ADAM22: variants seen among roughly 807,000 people sequenced by gnomAD.
ADAM22 encodes ADAM metallopeptidase domain 22.
ADAM22 carries 65 observed loss-of-function variants against 144.6 expected under a neutral mutation model. The ratio of observed to expected loss-of-function variants is 0.45; its 90% CI spans 0.37 to 0.55. ADAM22 has a LOEUF of 0.55. ADAM22 is among the 20% of genes least tolerant of loss of function. ADAM22 has a pLI of 0.00. For synonymous variants in ADAM22, 391 were observed against 412.6 expected, an observed-to-expected ratio of 0.95 and a Z score of 0.63; for missense variants, 974 against 1,184.9, an observed-to-expected ratio of 0.82 and a Z score of 2.61.
At chr7:87,949,477 T>G (rs1427175179) in intron 2 of ADAM22, among the ~76,000 whole-genome samples, 2 of 152,218 alleles carry the variant, frequency 1.3e-5, no homozygotes, top group African/African-American at 4.8e-5. Context: ...ATTCAAGCTA[T>G]TTAACCTTTT....
intron 3 of ADAM22, among the ~76,000 whole-genome samples, chr7:88,017,906 CA>C (rs1482841294): frequency 6.6e-6 from 1 of 151,786 alleles, no homozygotes; most frequent in African/African-American, 2.4e-5. Flanking sequence ...ATTTGTTTTA[CA>C]TTTTTTTTCT....
chr7:88,011,826 G>A (rs769834668), intron 3 of ADAM22, among the ~76,000 whole-genome samples: 3 of 151,210 alleles, frequency 2.0e-5, no homozygotes, highest in Non-Finnish European at 4.4e-5. Context: ...CCTAGGTGTA[G>A]ATATTTTGGT....
intron 3 of ADAM22, among the ~76,000 whole-genome samples, chr7:88,032,888 A>T (rs1230824386): frequency 6.6e-6 from 1 of 152,008 alleles, no homozygotes; most frequent in Non-Finnish European, 1.5e-5. Context: ...AGATGTGCTT[A>T]TTTCTCTTTT....
At chr7:88,076,026 T>G (rs1050432785) in intron 4 of ADAM22, among the ~76,000 whole-genome samples, 1 of 152,152 alleles carries the variant, frequency 6.6e-6, no homozygotes, top group African/African-American at 2.4e-5. Context: ...TTTATTTTAT[T>G]TTTTTGAGAC....
chr7:88,168,156 C>G lies in ADAM22; in HGVS notation c.2211C>G (p.Ile737Met). Residue 737 changes from isoleucine to methionine, a missense_variant, in exon 25 of 32, where the codon ATC (isoleucine) becomes ATG (methionine). Coordinates refer to ENST00000413139, the MANE Select transcript of ADAM22 (RefSeq NM_001324418.2). Reference protein sequence around the residue: ...LSGNGVAGTNIIIGIIAGTIL... With the variant: ...LSGNGVAGTNMIIGIIAGTIL... Reference sequence around the variant, plus strand: ...TCTCAGGTGTTGCTGGCACCAATATCATAATAGGCATAATTGCTGGCACCA... The same window carrying G: ...TCTCAGGTGTTGCTGGCACCAATATGATAATAGGCATAATTGCTGGCACCA... 6.2e-7 allele frequency: 1 copy of G among 1,613,144 alleles called. No homozygotes were observed. The highest frequency in any genetic ancestry group is 8.5e-7 in the Non-Finnish European group (1 of 1,179,504).
In ADAM22 at chr7:88,126,102, G is replaced by A. The variant is rs549294689; in HGVS notation, c.678+443G>A. On this transcript the variant is annotated intron_variant, in intron 8 of 31. Transcript: ENST00000413139. ...ACTTGGGCAAAACTTTGGAGTCCAGGATATAAAATTAGGTCATGGACTTTA... is the reference window on the plus strand; with the variant it reads ...ACTTGGGCAAAACTTTGGAGTCCAGAATATAAAATTAGGTCATGGACTTTA... Among the ~76,000 whole-genome samples the A allele has an allele frequency of 9.2e-5, 14 of 152,120 alleles. No individual in the cohort carries two copies. The South Asian group carries it at 2.9e-3, about 32-fold the overall frequency.
intron 3 of ADAM22, among the ~76,000 whole-genome samples, chr7:88,005,378 G>A (rs2129457971): frequency 6.6e-6 from 1 of 152,330 alleles, no homozygotes; most frequent in East Asian, 1.9e-4. Flanking sequence ...TAAGCAGATG[G>A]TTCCTATGGA....
At chr7:88,170,801 A>G (rs1844138870) in intron 25 of ADAM22, among the ~76,000 whole-genome samples, 1 of 151,998 alleles carries the variant, frequency 6.6e-6, no homozygotes, top group African/African-American at 2.4e-5. Flanking sequence ...AATTATGTCA[A>G]GATAGAAAGT....
At chr7:88,076,506 C>T (rs117952485) in intron 4 of ADAM22, among the ~76,000 whole-genome samples, 4,177 of 152,138 alleles carry the variant, frequency 0.027, 88 homozygotes, top group South Asian at 0.07. Flanking sequence ...CCAGCCCTGC[C>T]GCCCCTCCAC....
intron 3 of ADAM22, among the ~76,000 whole-genome samples, chr7:88,071,310 G>A (rs1265404885): frequency 3.3e-5 from 5 of 151,732 alleles, no homozygotes; most frequent in Admixed American, 1.3e-4. Context: ...TGGTGAATAG[G>A]GTATGTGAAT....
chr7:88,031,462 G>A (rs933616986), intron 3 of ADAM22, among the ~76,000 whole-genome samples: 2 of 152,224 alleles, frequency 1.3e-5, no homozygotes, highest in Admixed American at 6.5e-5. Flanking sequence ...GGGGACTGGA[G>A]TAAAGGTCAC....
chr7:87,976,066 G>T (rs1851826291), intron 2 of ADAM22, among the ~76,000 whole-genome samples: 1 of 152,036 alleles, frequency 6.6e-6, no homozygotes, highest in East Asian at 1.9e-4. Flanking sequence ...TACATCCAGG[G>T]GATTGATAAC....
intron 26 of ADAM22, among the ~76,000 whole-genome samples, chr7:88,172,219 A>G (rs1185518600): frequency 6.6e-6 from 1 of 151,960 alleles, no homozygotes; most frequent in Non-Finnish European, 1.5e-5. Flanking sequence ...AACAGCTTAA[A>G]AGAGATACAA....
At chr7:87,945,579 C>T (rs1168261858) in intron 2 of ADAM22, among the ~76,000 whole-genome samples, 4 of 149,468 alleles carry the variant, frequency 2.7e-5, no homozygotes, top group Non-Finnish European at 5.9e-5. Context: ...GTGGTGCCAT[C>T]TCAGCTCACT....
chr7:88,010,310 T>G (rs1795061730), intron 3 of ADAM22, among the ~76,000 whole-genome samples: 1 of 152,188 alleles, frequency 6.6e-6, no homozygotes, highest in Non-Finnish European at 1.5e-5. Context: ...CTTTAAGACT[T>G]TTTTTGCAGG....
intron 3 of ADAM22, among the ~76,000 whole-genome samples, chr7:88,011,798 T>C (rs896040931): frequency 4.6e-5 from 7 of 151,328 alleles, no homozygotes; most frequent in African/African-American, 1.7e-4. Context: ...TTCGGTTTGC[T>C]GCAGTTTGAA....
intron 3 of ADAM22, among the ~76,000 whole-genome samples, chr7:88,071,279 G>T: frequency 6.6e-6 from 1 of 151,858 alleles, no homozygotes. Flanking sequence ...GAGTTCTAGA[G>T]AAAGATGAAT....
intron 3 of ADAM22, among the ~76,000 whole-genome samples, chr7:88,037,630 A>G (rs933431039): frequency 2.0e-5 from 3 of 151,058 alleles, no homozygotes; most frequent in Non-Finnish European, 2.9e-5. Context: ...TTGCCTATGG[A>G]TAAGAGCTTA....
intron 2 of ADAM22, among the ~76,000 whole-genome samples, chr7:87,969,244 C>A (rs1168841435): frequency 6.6e-6 from 1 of 152,170 alleles, no homozygotes; most frequent in African/African-American, 2.4e-5. Flanking sequence ...TAACATATAG[C>A]GTGCCTTGTA....
Sources: allele counts gnomAD v4.1 joint callset (sites outside exome capture counted in the v4.1 genomes callset), GRCh38; gene constraint gnomAD v4.1.1; transcripts MANE v1.5; gene names NCBI Gene and HGNC (gene_info 2026-07-23, HGNC 2026-07-21).